The following ANTXR1 variants were observed in gnomAD, a reference collection of about 807,000 sequenced individuals.
ANTXR1 encodes anthrax toxin receptor 1.
ANTXR1 carries 19 observed loss-of-function variants against 78.1 expected under a neutral mutation model. That is an observed-to-expected ratio of 0.24 (90% CI 0.17 to 0.36). ANTXR1 has a LOEUF of 0.36. ANTXR1 is among the 10% of genes least tolerant of loss of function. The probability of loss-of-function intolerance (pLI) is 1.00; values close to 1 mark genes in which losing one functional copy is unlikely to be tolerated. For synonymous variants in ANTXR1, 273 were observed against 260.5 expected (o/e 1.05, Z -0.46); for missense variants, 518 against 718.6 (o/e 0.72, Z 3.19).
At chr2:69,061,096 C>A (rs1159594802) in intron 3 of ANTXR1, among the ~76,000 whole-genome samples, 5 of 152,126 alleles carry the variant, frequency 3.3e-5, no homozygotes, top group Non-Finnish European at 7.3e-5. Flanking sequence ...CTTGTAGAAT[C>A]CTAGAAAGCT....
intron 17 of ANTXR1, among the ~76,000 whole-genome samples, chr2:69,233,064 CA>C (rs1050067862): frequency 2.6e-5 from 4 of 151,880 alleles, no homozygotes; most frequent in Admixed American, 1.3e-4. Flanking sequence ...GAAATTGACT[CA>C]AAAAAAGTAC....
At chr2:69,198,022 C>G (rs758844755) in intron 17 of ANTXR1, among the ~76,000 whole-genome samples, 3 of 152,048 alleles carry the variant, frequency 2.0e-5, no homozygotes, top group Non-Finnish European at 4.4e-5. Flanking sequence ...GCATATCTTC[C>G]CTTTTTGGAG....
intron 12 of ANTXR1, among the ~76,000 whole-genome samples, chr2:69,129,099 T>C (rs1360473137): frequency 6.6e-6 from 1 of 152,150 alleles, no homozygotes; most frequent in African/African-American, 2.4e-5. Flanking sequence ...TGGTCAAACA[T>C]CCAGAGTCCT....
At chr2:69,045,028 T>C (rs1669720245) in intron 3 of ANTXR1, among the ~76,000 whole-genome samples, 1 of 152,202 alleles carries the variant, frequency 6.6e-6, no homozygotes, top group Non-Finnish European at 1.5e-5. Context: ...ATTGGTGAAA[T>C]TTTATAAATG....
chr2:69,022,978 C>T (rs1671237608), intron 1 of ANTXR1, among the ~76,000 whole-genome samples: 1 of 152,198 alleles, frequency 6.6e-6, no homozygotes, highest in African/African-American at 2.4e-5. Flanking sequence ...CTAGCCAGGA[C>T]ACTCCTTTGC....
At chr2:69,140,950 G>C (rs1673051467) in intron 12 of ANTXR1, among the ~76,000 whole-genome samples, 1 of 152,118 alleles carries the variant, frequency 6.6e-6, no homozygotes, top group Non-Finnish European at 1.5e-5. Context: ...TTACCTCTCA[G>C]GTGGCCAGAA....
At chr2:69,232,758 A>G (rs1356896840) in intron 17 of ANTXR1, among the ~76,000 whole-genome samples, 2 of 152,210 alleles carry the variant, frequency 1.3e-5, no homozygotes, top group African/African-American at 4.8e-5. Context: ...GACAGCAGAA[A>G]CACGGAATCT....
chr2:69,066,290 TTC>T (rs1670396975), intron 3 of ANTXR1, among the ~76,000 whole-genome samples: 1 of 152,082 alleles, frequency 6.6e-6, no homozygotes, highest in Non-Finnish European at 1.5e-5. Context: ...TTATTTTTTT[TTC>T]TTTCTTTTAT....
intron 10 of ANTXR1, among the ~76,000 whole-genome samples, chr2:69,108,994 T>A (rs750057436): frequency 2.6e-5 from 4 of 152,232 alleles, no homozygotes; most frequent in Non-Finnish European, 5.9e-5. Context: ...CATAGACTTA[T>A]GGCATAGTTA....
chr2:69,025,352 G>A (rs2104005459), intron 1 of ANTXR1, among the ~76,000 whole-genome samples: 1 of 152,270 alleles, frequency 6.6e-6, no homozygotes, highest in Non-Finnish European at 1.5e-5. Flanking sequence ...AAGCAGTGGA[G>A]TGGTCCATTT....
At chr2:69,218,364 G>C (rs1174163897) in intron 17 of ANTXR1, among the ~76,000 whole-genome samples, 1 of 148,694 alleles carries the variant, frequency 6.7e-6, no homozygotes, top group African/African-American at 2.6e-5. Context: ...TGGAAAAAAA[G>C]GGGGGGATGG....
chr2:69,186,081 A>T (rs948464083), intron 16 of ANTXR1, among the ~76,000 whole-genome samples: 1 of 151,516 alleles, frequency 6.6e-6, no homozygotes, highest in African/African-American at 2.4e-5. Flanking sequence ...TACCTGGCTC[A>T]TCCCTTATTA....
rs1671489898 is a variant in ANTXR1, at chr2:69,098,126, A to G, written c.704-4716A>G. On this transcript the variant is annotated intron_variant, in intron 9 of 17. Transcript: ENST00000303714. ...GGAGGAGAGATTACAAAGCAACACT[A>G]GGGAAGTTCTGGGGGTGACAGCTAC... 2.0e-5 allele frequency among the ~76,000 whole-genome samples: 3 copies of G among 152,316 alleles called. No individual in the cohort carries two copies. In the South Asian group the frequency reaches 6.2e-4, roughly 32 times the overall value.
intron 8 of ANTXR1, among the ~76,000 whole-genome samples, chr2:69,086,875 G>A (rs752254989): frequency 1.3e-5 from 2 of 152,132 alleles, no homozygotes; most frequent in Admixed American, 6.5e-5. Flanking sequence ...TCTGTGGATC[G>A]ATCACATCTG....
intron 7 of ANTXR1, 49 bp downstream of exon 7, chr2:69,075,707 C>G (rs2104227150): frequency 6.6e-7 from 1 of 1,513,616 alleles, no homozygotes; most frequent in Non-Finnish European, 9.2e-7. Flanking sequence ...GCTTGTGAAT[C>G]ATGAAGAACA....
chr2:69,101,208 T>C (rs1298974365), intron 9 of ANTXR1, among the ~76,000 whole-genome samples: 3 of 152,242 alleles, frequency 2.0e-5, no homozygotes, highest in Admixed American at 1.3e-4. Context: ...GTTCCACTTT[T>C]CTGCAAAATG....
At position 69,245,951 on chromosome 2, in the gene ANTXR1, A is replaced by T. The variant is rs1268433703; in HGVS notation, c.*466A>T. 6.4e-6 allele frequency: 1 copy of T among 155,288 alleles called. No homozygotes were observed. Among genetic ancestry groups the T allele is most frequent in the African/African-American group, 2.4e-5 (1 of 41,476 alleles). The allele number at this position is 155,288 out of a possible 1,614,324, so 9.6% of individuals were successfully genotyped here. On this transcript the variant is annotated 3_prime_UTR_variant, in exon 18 of 18. Transcript: ENST00000303714. ...GACCTTCACCCCTGTGCACCACCCA[A>T]GAAAGAGGAAAACTTTGCCTACAAC...
At chr2:69,140,622 T>C (rs1673045046) in intron 12 of ANTXR1, among the ~76,000 whole-genome samples, 1 of 152,206 alleles carries the variant, frequency 6.6e-6, no homozygotes. Flanking sequence ...TATAAGATTT[T>C]CTTTTGGGGG....
At chr2:69,070,822 G>T in intron 4 of ANTXR1, 94 bp downstream of exon 4, 1 of 1,129,886 alleles carries the variant, frequency 8.9e-7, no homozygotes, top group Non-Finnish European at 1.3e-6. Context: ...ATATTAAGAG[G>T]GCTGACTAGC....
Sources: allele counts gnomAD v4.1 joint callset (sites outside exome capture counted in the v4.1 genomes callset), GRCh38; gene constraint gnomAD v4.1.1; transcripts MANE v1.5; gene names NCBI Gene and HGNC (gene_info 2026-07-23, HGNC 2026-07-21).